The following RGS20 variants were observed in gnomAD, a reference collection of about 807,000 sequenced individuals.
The protein encoded by RGS20 is regulator of G protein signaling 20.
Under a neutral mutation model 33.6 loss-of-function variants are expected in RGS20, and 30 were observed. The ratio of observed to expected loss-of-function variants is 0.89; its 90% confidence interval spans 0.67 to 1.21. The LOEUF is 1.21. RGS20 is among the 50% of genes most tolerant of loss of function. The pLI, the probability that RGS20 is intolerant of heterozygous loss-of-function variation, is 0.00. For missense variants in RGS20, 472 were observed against 502.4 expected (o/e 0.94, Z 0.58); for synonymous variants, 208 against 197.9 (o/e 1.05, Z -0.43).
At chr8:53,864,105 A>G (rs1435671398) in intron 1 of RGS20, among the ~76,000 whole-genome samples, 1 of 151,928 alleles carries the variant, frequency 6.6e-6, no homozygotes, top group Non-Finnish European at 1.5e-5. Context: ...GCATGTAAAA[A>G]TGCTGGTAAA....
chr8:53,924,162 C>T (rs202008884), intron 2 of RGS20, among the ~76,000 whole-genome samples: 55 of 151,916 alleles, frequency 3.6e-4, no homozygotes, highest in East Asian at 1.9e-3. Flanking sequence ...GGACTACAGA[C>T]GTGTGCCATC....
chr8:53,957,961 G>A (rs1814921081), intron 5 of RGS20, among the ~76,000 whole-genome samples: 1 of 152,026 alleles, frequency 6.6e-6, no homozygotes, highest in Admixed American at 6.6e-5. Context: ...AACCAACACG[G>A]AGAAACCCCG....
At chr8:53,868,206 G>A (rs1027656669) in intron 1 of RGS20, among the ~76,000 whole-genome samples, 1 of 152,192 alleles carries the variant, frequency 6.6e-6, no homozygotes, top group African/African-American at 2.4e-5. Context: ...TGCTGAGGGT[G>A]AGAGGATGAC....
chr8:53,927,160 T>C (rs1472056566), intron 2 of RGS20, among the ~76,000 whole-genome samples: 3 of 151,854 alleles, frequency 2.0e-5, no homozygotes, highest in African/African-American at 7.3e-5. Context: ...CAACCTGTAT[T>C]ATTCCCATTT....
chr8:53,934,597 C>T (rs1024726225), intron 2 of RGS20, among the ~76,000 whole-genome samples: 27 of 152,102 alleles, frequency 1.8e-4, no homozygotes, highest in African/African-American at 6.3e-4. Context: ...AAGGAGCATC[C>T]ATATTCATAA....
chr8:53,865,246 TG>T (rs1374639210), intron 1 of RGS20, among the ~76,000 whole-genome samples: 12 of 152,244 alleles, frequency 7.9e-5, no homozygotes, highest in African/African-American at 2.9e-4. Flanking sequence ...CCCAGGTCCG[TG>T]GGGACAAATG....
intron 1 of RGS20, among the ~76,000 whole-genome samples, chr8:53,871,428 G>T (rs1812063496): frequency 6.6e-6 from 1 of 151,938 alleles, no homozygotes; most frequent in African/African-American, 2.4e-5. Flanking sequence ...TGTAATCCCA[G>T]CACTTTGGTG....
chr8:53,956,467 A>C (rs1814865479), intron 5 of RGS20, among the ~76,000 whole-genome samples: 1 of 152,180 alleles, frequency 6.6e-6, no homozygotes, highest in Admixed American at 6.5e-5. Flanking sequence ...CAGGGGCAGA[A>C]GACGTTAGAA....
intron 2 of RGS20, among the ~76,000 whole-genome samples, chr8:53,894,971 G>T (rs913967173): frequency 6.6e-6 from 1 of 152,102 alleles, no homozygotes; most frequent in African/African-American, 2.4e-5. Context: ...AATATTTTAG[G>T]CTTGTGGGTC....
intron 2 of RGS20, chr8:53,887,173 G>C (rs1310283588): frequency 1.3e-5 from 2 of 159,690 alleles, no homozygotes; most frequent in Non-Finnish European, 2.8e-5. Context: ...AGTATTTCAG[G>C]ACACCCACTT....
intron 4 of RGS20, among the ~76,000 whole-genome samples, chr8:53,952,420 T>C (rs1256234216): frequency 6.6e-6 from 1 of 151,024 alleles, no homozygotes; most frequent in Non-Finnish European, 1.5e-5. Flanking sequence ...GTCAACCATT[T>C]TGATAAACTT....
chr8:53,860,544 A>C (rs925774266), intron 1 of RGS20, among the ~76,000 whole-genome samples: 2 of 150,070 alleles, frequency 1.3e-5, no homozygotes, highest in African/African-American at 5.0e-5. Context: ...CAGGAACCTC[A>C]GACCAGGAAT....
chr8:53,922,479 G>A (rs181769212), intron 2 of RGS20, among the ~76,000 whole-genome samples: 12 of 152,138 alleles, frequency 7.9e-5, no homozygotes, highest in Admixed American at 7.9e-4. Flanking sequence ...TGATTGGATT[G>A]TTTAATCTGC....
In RGS20 at chr8:53,958,949, A is replaced by G. The variant is rs1469128598; in HGVS notation, c.*491A>G. 6.6e-6 allele frequency: 1 copy of G among 152,370 alleles called. No individual in the cohort carries two copies. The highest frequency in any genetic ancestry group is 1.5e-5 in the Non-Finnish European group (1 of 68,172). The allele number at this position is 152,370 out of a possible 1,614,324, so 9.4% of individuals were successfully genotyped here. ...GACCCAAATTCACAGTTCATAAAAG[A>G]TGTGACCACTACATGTAAAAATAGC... is the stretch of plus-strand genomic sequence containing the variant. On this transcript the variant is annotated 3_prime_UTR_variant, in exon 6 of 6. Coordinates refer to ENST00000297313, the MANE Select transcript of RGS20 (RefSeq NM_170587.4).
At chr8:53,885,529 G>A (rs942636265) in intron 2 of RGS20, among the ~76,000 whole-genome samples, 1 of 152,136 alleles carries the variant, frequency 6.6e-6, no homozygotes, top group African/African-American at 2.4e-5. Context: ...CAGGAGAATG[G>A]CATGAACCTG....
intron 2 of RGS20, among the ~76,000 whole-genome samples, chr8:53,936,630 C>T (rs200971408): frequency 6.6e-6 from 1 of 152,264 alleles, no homozygotes; most frequent in Non-Finnish European, 1.5e-5. Context: ...ACATTCCATG[C>T]TCATGGATAG....
intron 2 of RGS20, among the ~76,000 whole-genome samples, chr8:53,920,307 C>G (rs1290450168): frequency 6.6e-6 from 1 of 152,054 alleles, no homozygotes; most frequent in Non-Finnish European, 1.5e-5. Flanking sequence ...TCTTATATCA[C>G]TTCCAGAATG....
intron 3 of RGS20, 22 bp from the exon 3 acceptor site, chr8:53,946,643 T>C: frequency 1.3e-6 from 2 of 1,599,010 alleles, no homozygotes; most frequent in South Asian, 1.1e-5. Context: ...GCTGTCAACA[T>C]GTGAATGTCT....
rs550039813 is a variant in RGS20, at chr8:53,881,223, C to CCGGTGCGAGTCGGGGGTTCCTTCCCG, written c.510+1623_510+1648dup. On this transcript the variant is annotated intron_variant, in intron 2 of 5. Transcript: ENST00000297313. ...TGTCGCCGTTGCTGCGGGGCGGGAG[C>CCGGTGCGAGTCGGGGGTTCCTTCCCG]CGGTGCGAGTCGGGGGTTCCTTCCC... 3,926 of 616,852 alleles carry CCGGTGCGAGTCGGGGGTTCCTTCCCG rather than the reference C, an allele frequency of 6.4e-3. 144 individuals carry two copies. In the African/African-American group the frequency reaches 0.069, roughly 11 times the overall value. The allele number at this position is 616,852 out of a possible 1,614,324, so 38.2% of individuals were successfully genotyped here. A position where few individuals can be genotyped will look rare whatever the true frequency, so the allele number is the denominator to read the frequency against.
Sources: gnomAD v4.1 joint callset for allele counts (sites outside exome capture counted in the v4.1 genomes callset) on GRCh38, gnomAD v4.1.1 for gene constraint, MANE v1.5 for transcripts, NCBI Gene and HGNC (gene_info 2026-07-23, HGNC 2026-07-21) for gene names.